PARP8: variants seen among roughly 807,000 people sequenced by gnomAD.
PARP8 encodes the protein poly(ADP-ribose) polymerase family member 8, also known as protein mono-ADP-ribosyltransferase PARP8.
In PARP8, 51 loss-of-function variants were observed where a neutral mutation model predicts 124.1. That is an observed-to-expected ratio of 0.41 (90% CI 0.33 to 0.52). PARP8 has a LOEUF of 0.52. Among genes scored for constraint, PARP8 ranks in the 20% least tolerant of loss-of-function variants. The probability of loss-of-function intolerance (pLI) is 0.21; values close to 1 mark genes in which losing one functional copy is unlikely to be tolerated. For missense variants in PARP8, 860 were observed against 1,018.9 expected, an observed-to-expected ratio of 0.84 and a Z score of 2.12; for synonymous variants, 391 against 361.5, an observed-to-expected ratio of 1.08 and a Z score of -0.93.
In PARP8 at chr5:50,803,563, A is replaced by G. The variant is rs907908183; in HGVS notation, c.1575+6330A>G. On this transcript the variant is annotated intron_variant, in intron 14 of 25. Transcript: ENST00000281631. Reference sequence around the variant, plus strand: ...TCCTTAGATTAGTTAATCTCAATGGACCTATCTTCAAGTTCACTGATTCTT... The same window carrying G: ...TCCTTAGATTAGTTAATCTCAATGGGCCTATCTTCAAGTTCACTGATTCTT... Among the ~76,000 whole-genome samples, 12 of 151,902 alleles carry G rather than the reference A, an allele frequency of 7.9e-5. No individual in the cohort carries two copies. In the South Asian group the frequency reaches 1.5e-3, roughly 18 times the overall value.
intron 2 of PARP8, among the ~76,000 whole-genome samples, chr5:50,743,253 A>G (rs964759374): frequency 8.5e-5 from 13 of 152,182 alleles, no homozygotes; most frequent in Non-Finnish European, 4.4e-5. Context: ...AGAGCTCCCC[A>G]ACCCTGGATA....
chr5:50,771,787 A>G (rs967325516), intron 7 of PARP8, among the ~76,000 whole-genome samples: 3 of 152,224 alleles, frequency 2.0e-5, no homozygotes, highest in Non-Finnish European at 4.4e-5. Context: ...GTTTCAATAC[A>G]TATATACATT....
At chr5:50,760,239 G>C in intron 4 of PARP8, 53 bp from the exon 5 acceptor site, 4 of 1,351,154 alleles carry the variant, frequency 3.0e-6, no homozygotes, top group South Asian at 3.1e-5. Context: ...TGAATGCTTG[G>C]TAAATAGCAT....
intron 10 of PARP8, among the ~76,000 whole-genome samples, chr5:50,792,892 C>G (rs1663385572): frequency 6.6e-6 from 1 of 152,112 alleles, no homozygotes. Context: ...GATATACTTT[C>G]TGGCGATCTG....
At chr5:50,809,024 TA>T (rs34641320) in intron 14 of PARP8, among the ~76,000 whole-genome samples, 31,189 of 151,566 alleles carry the variant, frequency 0.21, 3,383 homozygotes, top group South Asian at 0.33. Flanking sequence ...AAACATGGTT[TA>T]AAAAAAAATC....
At chr5:50,771,845 T>C (rs990938220) in intron 7 of PARP8, among the ~76,000 whole-genome samples, 3 of 152,360 alleles carry the variant, frequency 2.0e-5, no homozygotes, top group Middle Eastern at 3.4e-3. Context: ...ACCACAAACA[T>C]TGATCTTTTT....
At chr5:50,776,856 C>G (rs2149607315) in intron 7 of PARP8, among the ~76,000 whole-genome samples, 1 of 152,282 alleles carries the variant, frequency 6.6e-6, no homozygotes, top group Non-Finnish European at 1.5e-5. Flanking sequence ...GAGTACTTAA[C>G]TATATGCCAG....
chr5:50,701,237 A>G (rs1323077879), intron 2 of PARP8, among the ~76,000 whole-genome samples: 4 of 152,144 alleles, frequency 2.6e-5, no homozygotes, highest in African/African-American at 9.7e-5. Flanking sequence ...GGTTTCATAT[A>G]GTTATTGTTA....
intron 23 of PARP8, 95 bp from the exon 24 acceptor site, chr5:50,833,876 TGACCTGGA>T: frequency 2.5e-6 from 2 of 788,018 alleles, no homozygotes; most frequent in African/African-American, 1.8e-5. Flanking sequence ...TTTTTTTTTT[TGACCTGGA>T]GCCATCTTAG....
Position 50,747,648 on chromosome 5 carries a change from T to G in PARP8, c.147-2503T>G, listed in dbSNP as rs545971908. 2.0e-5 allele frequency among the ~76,000 whole-genome samples: 3 copies of G among 152,124 alleles called. No homozygotes were observed. In the South Asian group the frequency reaches 6.2e-4, roughly 32 times the overall value. The stretch of plus-strand genomic sequence containing the variant: ...ACGAATGATCTCTTTATATCTTTAG[T>G]CCTCAGTCTTCTGATGCTTATTGTT... On this transcript the variant is annotated intron_variant, in intron 2 of 25. Coordinates refer to ENST00000281631, the MANE Select transcript of PARP8 (RefSeq NM_024615.4).
intron 9 of PARP8, among the ~76,000 whole-genome samples, 179 bp downstream of exon 9, chr5:50,778,829 A>G (rs754478131): frequency 6.6e-6 from 1 of 152,218 alleles, no homozygotes; most frequent in Non-Finnish European, 1.5e-5. Flanking sequence ...TTATGGAAAC[A>G]GAAACGTAAG....
At chr5:50,822,474 G>T in intron 17 of PARP8, 74 bp downstream of exon 17, 1 of 1,167,476 alleles carries the variant, frequency 8.6e-7, no homozygotes, top group South Asian at 1.3e-5. Context: ...GTGAAATGTA[G>T]ACTTCTCTAT....
chr5:50,809,367 TA>T (rs1281452783), intron 14 of PARP8, among the ~76,000 whole-genome samples: 5 of 152,248 alleles, frequency 3.3e-5, no homozygotes, highest in African/African-American at 1.2e-4. Flanking sequence ...AATTTATATT[TA>T]CTCTGCTTAT....
chr5:50,754,150 T>TATATATATATACACACACACACAC (rs1312947286), intron 3 of PARP8, among the ~76,000 whole-genome samples: 2 of 37,222 alleles, frequency 5.4e-5, no homozygotes, highest in Admixed American at 2.6e-4. Context: ...TATATATATA[T>TATATATATATACACACACACACAC]ACACACACAC....
intron 3 of PARP8, among the ~76,000 whole-genome samples, chr5:50,759,365 A>G (rs867935833): frequency 6.6e-6 from 1 of 152,178 alleles, no homozygotes; most frequent in South Asian, 2.1e-4. Context: ...CAAATGATTC[A>G]TTGCCATAAG....
chr5:50,766,091 T>G (rs557173889), intron 7 of PARP8, among the ~76,000 whole-genome samples: 3 of 152,336 alleles, frequency 2.0e-5, no homozygotes, highest in African/African-American at 7.2e-5. Context: ...CTGAGATTAT[T>G]GAGGCAAAAT....
intron 2 of PARP8, among the ~76,000 whole-genome samples, chr5:50,678,673 A>G (rs193041774): frequency 6.6e-6 from 1 of 152,326 alleles, no homozygotes; most frequent in African/African-American, 2.4e-5. Flanking sequence ...TGAGACATGC[A>G]AAACTACTCT....
Position 50,845,791 on chromosome 5 carries a change from G to C in PARP8, c.*3723G>C. On this transcript the variant is annotated 3_prime_UTR_variant, in exon 26 of 26. Coordinates refer to ENST00000281631, the MANE Select transcript of PARP8 (RefSeq NM_024615.4). ...CCATTACCTAAAGCCACAATCTCCC[G>C]CTCTAAGGAGTTAAAGGATGAAAAC... 1 of 151,850 alleles carries C rather than the reference G, an allele frequency of 6.6e-6. No homozygotes were observed. Among genetic ancestry groups the C allele is most frequent in the East Asian group, 1.9e-4 (1 of 5,158 alleles). The allele number at this position is 151,850 out of a possible 1,614,324, so 9.4% of individuals were successfully genotyped here.
chr5:50,803,047 T>G (rs1743408706), intron 14 of PARP8, among the ~76,000 whole-genome samples: 1 of 152,182 alleles, frequency 6.6e-6, no homozygotes, highest in South Asian at 2.1e-4. Context: ...TAATTTCTCC[T>G]TTATTGTTTG....
Sources: allele counts gnomAD v4.1 joint callset (sites outside exome capture counted in the v4.1 genomes callset), GRCh38; gene constraint gnomAD v4.1.1; transcripts MANE v1.5; gene names NCBI Gene and HGNC (gene_info 2026-07-23, HGNC 2026-07-21).